UPF3B: variants seen among roughly 807,000 people sequenced by gnomAD.
UPF3B encodes UPF3B regulator of nonsense mediated mRNA decay, also known as regulator of nonsense transcripts 3B.
UPF3B carries 7 observed loss-of-function variants against 40.3 expected under a neutral mutation model. That is an observed-to-expected ratio of 0.17 (90% CI 0.10 to 0.33). The LOEUF is 0.33. Ranked by LOEUF, UPF3B falls within the 10% of genes least tolerant of loss-of-function variation. The pLI, the probability that UPF3B is intolerant of heterozygous loss-of-function variation, is 1.00. For synonymous variants in UPF3B, 117 were observed against 117.3 expected (o/e 1.00, Z 0.01); for missense variants, 229 against 358.9 (o/e 0.64, Z 2.93).
intron 4 of UPF3B, among the ~76,000 whole-genome samples, 171 bp downstream of exon 4, chrX:119,845,025 ACT>A (rs2056211037): frequency 9.0e-6 from 1 of 111,705 alleles, no homozygotes; most frequent in Admixed American, 9.5e-5. Flanking sequence ...TGTGCAAGAA[ACT>A]CTCTCTAGTC....
chrX:119,807,243 A>G (rs763761989), intron 6 of UPF3B, among the ~76,000 whole-genome samples: 2 of 111,365 alleles, frequency 1.8e-5, no homozygotes, highest in Non-Finnish European at 3.8e-5. Context: ...AAGCAATGAA[A>G]TTGTACTTCC....
Position 119,851,879 on chromosome X carries a change from G to A in UPF3B, c.157-6C>T, listed in dbSNP as rs2056308904. 10 of 1,120,248 alleles carry A rather than the reference G, an allele frequency of 8.9e-6. No homozygotes were observed. The highest frequency in any genetic ancestry group is 1.2e-5 in the Non-Finnish European group (10 of 820,611). 92.3% of individuals were successfully genotyped at this position (1,120,248 alleles called of 1,213,427 possible). On this transcript the variant is annotated splice_polypyrimidine_tract_variant and splice_region_variant and intron_variant, in intron 1 of 10. Transcript: ENST00000276201. ...GGTAATCTTCGAATTACCACCTTAA[G>A]AAATGCATAAGGAAAATAAAATTAG... is the stretch of plus-strand genomic sequence containing the variant.
At chrX:119,833,360 G>C (rs1440891443), downstream of UPF3B, among the ~76,000 whole-genome samples, 1 of 111,093 alleles carries the variant, frequency 9.0e-6, no homozygotes, top group Non-Finnish European at 1.9e-5. Context: ...AATTTTTTGA[G>C]GCACGGTCTC....
downstream of UPF3B, among the ~76,000 whole-genome samples, chrX:119,829,523 T>G (rs2056015627): frequency 8.9e-6 from 1 of 112,037 alleles, no homozygotes; most frequent in Non-Finnish European, 1.9e-5. Context: ...TGCCATGGCC[T>G]TTGTCAGGCA....
chrX:119,821,226 G>A (rs950540497), intron 4 of UPF3B, among the ~76,000 whole-genome samples: 1 of 111,871 alleles, frequency 8.9e-6, no homozygotes, highest in African/African-American at 3.2e-5. Context: ...ATGAGTAAAA[G>A]GTCCCTGAGG....
At chrX:119,807,127 G>A (rs1400525674) in intron 6 of UPF3B, among the ~76,000 whole-genome samples, 2 of 107,186 alleles carry the variant, frequency 1.9e-5, no homozygotes, top group South Asian at 4.0e-4. Flanking sequence ...CTTTTCTCTC[G>A]TGTCATACGT....
chrX:119,820,923 G>A, intron 4 of UPF3B, among the ~76,000 whole-genome samples: 1 of 111,911 alleles, frequency 8.9e-6, no homozygotes, highest in Non-Finnish European at 1.9e-5. Context: ...ATGAAAATCA[G>A]GCAAAAGCTC....
intron 8 of UPF3B, among the ~76,000 whole-genome samples, chrX:119,840,122 T>C (rs1431907944): frequency 1.8e-5 from 2 of 111,755 alleles, no homozygotes; most frequent in African/African-American, 6.5e-5. Flanking sequence ...TAGGTACTAG[T>C]ACTTCCCCAG....
At chrX:119,809,509 TCAG>T (rs1164464740) in intron 5 of UPF3B, among the ~76,000 whole-genome samples, 1 of 111,792 alleles carries the variant, frequency 8.9e-6, no homozygotes, top group Non-Finnish European at 1.9e-5. Context: ...TCACTTGAGG[TCAG>T]GAGTTTGATA....
intron 4 of UPF3B, among the ~76,000 whole-genome samples, chrX:119,844,567 T>C (rs929410302): frequency 9.0e-6 from 1 of 111,274 alleles, no homozygotes; most frequent in African/African-American, 3.3e-5. Context: ...AAGAAGCACC[T>C]GTTAAACTTT....
chrX:119,836,405 G>A (rs1189466306), intron 10 of UPF3B, among the ~76,000 whole-genome samples: 2 of 111,369 alleles, frequency 1.8e-5, no homozygotes, highest in African/African-American at 6.5e-5. Flanking sequence ...AAGCAATTGG[G>A]AACATATGAA....
chrX:119,832,382 CAG>C (rs2056046022), downstream of UPF3B, among the ~76,000 whole-genome samples: 1 of 111,934 alleles, frequency 8.9e-6, no homozygotes, highest in East Asian at 2.8e-4. Context: ...CCTCAGCCTC[CAG>C]AGTAGCTGGG....
chrX:119,827,436 A>G (rs2055989821), intron 3 of UPF3B, among the ~76,000 whole-genome samples: 1 of 80,551 alleles, frequency 1.2e-5, no homozygotes, highest in African/African-American at 5.7e-5. Flanking sequence ...ACACGCACCC[A>G]TATATATATA....
At chrX:119,807,958 T>A (rs890288292) in intron 5 of UPF3B, among the ~76,000 whole-genome samples, 1 of 111,612 alleles carries the variant, frequency 9.0e-6, no homozygotes, top group African/African-American at 3.3e-5. Flanking sequence ...CACACTGGGC[T>A]AAGTTTTTAA....
chrX:119,847,190 G>A (rs758343760), intron 3 of UPF3B, among the ~76,000 whole-genome samples: 2 of 112,157 alleles, frequency 1.8e-5, no homozygotes, highest in South Asian at 7.3e-4. Flanking sequence ...GTAAAATGAT[G>A]CAGCTGCATG....
intron 4 of UPF3B, among the ~76,000 whole-genome samples, chrX:119,821,965 C>T (rs2055925045): frequency 8.9e-6 from 1 of 111,753 alleles, no homozygotes; most frequent in Non-Finnish European, 1.9e-5. Context: ...CAGTTTCCTT[C>T]CTGGAGAGGG....
At chrX:119,819,053 CTT>C (rs561336054) in intron 4 of UPF3B, among the ~76,000 whole-genome samples, 7 of 88,406 alleles carry the variant, frequency 7.9e-5, no homozygotes, top group Admixed American at 1.3e-4. Context: ...GTAACACCAG[CTT>C]TTTTTTTTTT....
In UPF3B at chrX:119,834,484, G is replaced by A. The variant is rs917828153; in HGVS notation, c.*394C>T. On this transcript the variant is annotated 3_prime_UTR_variant, in exon 11 of 11. Transcript: ENST00000276201. The stretch of plus-strand genomic sequence containing the variant: ...TTAGATCGGAACAAGGCTTCAAAGC[G>A]ACTCTGCTCCACCCAAATTCAGAAA... 2.3e-6 allele frequency: 2 copies of A among 861,537 alleles called. No individual in the cohort carries two copies. Among genetic ancestry groups the A allele is most frequent in the South Asian group, 3.7e-5 (1 of 26,927 alleles). 71.0% of individuals were successfully genotyped at this position (861,537 alleles called of 1,213,427 possible).
chrX:119,827,105 T>C (rs1351594892), intron 3 of UPF3B, among the ~76,000 whole-genome samples: 2 of 111,976 alleles, frequency 1.8e-5, no homozygotes, highest in Admixed American at 9.6e-5. Flanking sequence ...AGAGCAATTT[T>C]GAGAGTTTCC....
Sources: allele counts gnomAD v4.1 joint callset (sites outside exome capture counted in the v4.1 genomes callset), GRCh38; gene constraint gnomAD v4.1.1; transcripts MANE v1.5; gene names NCBI Gene and HGNC (gene_info 2026-07-23, HGNC 2026-07-21).